The following KCTD1 variants were observed in gnomAD, a reference collection of about 807,000 sequenced individuals.
KCTD1 encodes BTB/POZ domain-containing protein KCTD1.
In KCTD1, 24 loss-of-function variants were observed where a neutral mutation model predicts 66.0. The ratio of observed to expected loss-of-function variants is 0.36; its 90% CI spans 0.26 to 0.51. KCTD1 has a LOEUF of 0.51. Ranked by LOEUF, KCTD1 falls within the 20% of genes least tolerant of loss-of-function variation. The probability of loss-of-function intolerance (pLI) is 0.95; values close to 1 mark genes in which losing one functional copy is unlikely to be tolerated. For missense variants in KCTD1, 943 were observed against 1,205.2 expected, an observed-to-expected ratio of 0.78 and a Z score of 3.22; for synonymous variants, 511 against 517.2, an observed-to-expected ratio of 0.99 and a Z score of 0.16.
intron 1 of KCTD1, among the ~76,000 whole-genome samples, chr18:26,613,675 G>A (rs1048117354): frequency 6.6e-6 from 1 of 152,234 alleles, no homozygotes; most frequent in East Asian, 1.9e-4. Context: ...TTGTAAAGCT[G>A]TAGACTAATG....
At chr18:26,529,718 C>G (rs1201372134) in intron 1 of KCTD1, among the ~76,000 whole-genome samples, 1 of 152,142 alleles carries the variant, frequency 6.6e-6, no homozygotes, top group Non-Finnish European at 1.5e-5. Context: ...GAGGTTGTGC[C>G]TAACAGAATA....
chr18:26,514,595 G>GGAA (rs970624348), intron 1 of KCTD1, among the ~76,000 whole-genome samples: 11 of 151,022 alleles, frequency 7.3e-5, no homozygotes, highest in African/African-American at 2.7e-4. Context: ...GATGTTGGAA[G>GGAA]GAAGTAGTGT....
chr18:26,624,008 C>A (rs1987445494), intron 1 of KCTD1, among the ~76,000 whole-genome samples: 1 of 152,180 alleles, frequency 6.6e-6, no homozygotes, highest in Non-Finnish European at 1.5e-5. Flanking sequence ...TTGTTGGGAA[C>A]TGAAACAAAG....
In KCTD1 at chr18:26,622,488, C is replaced by T. The variant is rs184873468; in HGVS notation, c.-16+6659G>A. Reference sequence around the variant, plus strand: ...TAGCACACTGAATGTCACCTACACCCAACCCTGGAGTCCTTGCCAGCCATT... The same window carrying T: ...TAGCACACTGAATGTCACCTACACCTAACCCTGGAGTCCTTGCCAGCCATT... On this transcript the variant is annotated intron_variant, in intron 1 of 4. Transcript: ENST00000317932. Among the ~76,000 whole-genome samples, 302 of 152,276 alleles carry T rather than the reference C, an allele frequency of 2.0e-3. 1 individual carries two copies. Among genetic ancestry groups the T allele is most frequent in the African/African-American group, 6.9e-3 (288 of 41,558 alleles).
At chr18:26,656,450 AG>A (rs1988143167) in intron 1 of KCTD1, among the ~76,000 whole-genome samples, 2 of 150,842 alleles carry the variant, frequency 1.3e-5, no homozygotes, top group African/African-American at 4.9e-5. Flanking sequence ...TGCATCCAAA[AG>A]GGGGAGGAGG....
At chr18:26,535,421 G>C (rs561504918) in intron 1 of KCTD1, among the ~76,000 whole-genome samples, 1 of 152,174 alleles carries the variant, frequency 6.6e-6, no homozygotes, top group East Asian at 1.9e-4. Context: ...GAGCCAGTCT[G>C]CACTGACCCA....
At position 26,546,868 on chromosome 18, in the gene KCTD1, T is replaced by C. The variant is rs1469662733; in HGVS notation, c.1669A>G (p.Ile557Val). 6.7e-7 allele frequency: 1 copy of C among 1,502,266 alleles called. No individual in the cohort carries two copies. Among genetic ancestry groups the C allele is most frequent in the Non-Finnish European group, 8.9e-7 (1 of 1,125,254 alleles). 93.1% of individuals were successfully genotyped at this position (1,502,266 alleles called of 1,614,324 possible). A position where few individuals can be genotyped will look rare whatever the true frequency, so the allele number is the denominator to read the frequency against. ...CGPTSPKRLCIRPSEPVDAVV... is the reference protein window; with the variant it reads ...CGPTSPKRLCVRPSEPVDAVV... The stretch of plus-strand genomic sequence containing the variant: ...GCATCCACAGGCTCCGAGGGGCGGA[T>C]ACAAAGTCTTTTGGGGGAAGTGGGG... Residue 557 changes from isoleucine (I) to valine (V), a missense_variant, in exon 1 of 5, where the codon ATC becomes GTC. This residue lies in a region of KCTD1 where 197 missense variants were observed against 182.7 expected (regional missense o/e 1.08). Transcript: ENST00000580059.
At chr18:26,593,853 GA>G (rs1986702271) in intron 1 of KCTD1, among the ~76,000 whole-genome samples, 1 of 148,122 alleles carries the variant, frequency 6.8e-6, no homozygotes. Flanking sequence ...AGACAAGGAG[GA>G]AGAGGAGAAC....
chr18:26,608,641 G>C (rs982025954), intron 1 of KCTD1, among the ~76,000 whole-genome samples: 1 of 152,034 alleles, frequency 6.6e-6, no homozygotes, highest in African/African-American at 2.4e-5. Flanking sequence ...ATTATTCTTT[G>C]TTGTATTTTA....
chr18:26,547,405 T>A lies in KCTD1; in HGVS notation c.1132A>T (p.Met378Leu). 6.4e-7 allele frequency: 1 copy of A among 1,551,368 alleles called. No individual in the cohort carries two copies. Among genetic ancestry groups the A allele is most frequent in the Non-Finnish European group, 8.7e-7 (1 of 1,146,768 alleles). Reference protein sequence around the residue: ...ESSDEENLPRMYETGTEFCPY... With the variant: ...ESSDEENLPRLYETGTEFCPY... ...CAGAACTCGGTGCCCGTCTCATACA[T>A]GCGGGGCAAGTTCTCCTCGTCGCTG... The change falls in exon 1 of 5, where the codon ATG (methionine) becomes TTG (leucine). Residue 378 changes from methionine to leucine, a missense_variant. Physicochemically the swap from Met to Leu is conservative, Grantham distance 15. Around this residue, in one of 10 missense-constraint regions of KCTD1, gnomAD observed 79 missense variants for 133.9 expected, o/e 0.59. Transcript: ENST00000580059.
At chr18:26,603,023 A>G (rs1352085904) in intron 1 of KCTD1, among the ~76,000 whole-genome samples, 1 of 152,188 alleles carries the variant, frequency 6.6e-6, no homozygotes, top group Non-Finnish European at 1.5e-5. Context: ...TGCAATGGGG[A>G]AGAGAGGCCT....
chr18:26,651,341 A>T (rs1988027731), intron 1 of KCTD1, among the ~76,000 whole-genome samples: 1 of 152,244 alleles, frequency 6.6e-6, no homozygotes, highest in African/African-American at 2.4e-5. Context: ...TTTTGTAGTC[A>T]GCCAGCTGAG....
intron 1 of KCTD1, among the ~76,000 whole-genome samples, chr18:26,639,114 G>T (rs906055227): frequency 6.6e-6 from 1 of 152,190 alleles, no homozygotes; most frequent in Non-Finnish European, 1.5e-5. Context: ...CCACAGAAAA[G>T]CTGGGTTCTG....
At chr18:26,456,084 C>A (rs573929447) in intron 4 of KCTD1, 183 bp from the exon 5 acceptor site, 1 of 578,388 alleles carries the variant, frequency 1.7e-6, no homozygotes, top group Admixed American at 3.3e-5. Context: ...GCAAGCATTT[C>A]TAATGCCTAA....
At chr18:26,579,863 T>C (rs1157723534) in intron 1 of KCTD1, among the ~76,000 whole-genome samples, 9 of 152,120 alleles carry the variant, frequency 5.9e-5, no homozygotes, top group Non-Finnish European at 1.2e-4. Context: ...CTCCCACACA[T>C]TGGAAGGAGC....
upstream of KCTD1, chr18:26,548,860 T>G (rs1390259617): frequency 4.0e-6 from 4 of 1,008,158 alleles, no homozygotes; most frequent in Non-Finnish European, 4.7e-6. Context: ...GAGGGAGAGC[T>G]GTCGGTGGGG....
chr18:26,536,348 G>A (rs989280691), intron 1 of KCTD1, among the ~76,000 whole-genome samples: 3 of 152,214 alleles, frequency 2.0e-5, no homozygotes, highest in Non-Finnish European at 4.4e-5. Flanking sequence ...GGTGGAATGT[G>A]GCAGCTTACT....
chr18:26,558,128 G>A (rs71362648), intron 1 of KCTD1, among the ~76,000 whole-genome samples: 9 of 152,212 alleles, frequency 5.9e-5, no homozygotes, highest in African/African-American at 2.2e-4. Flanking sequence ...CAAATCACCC[G>A]GAAGGCTTGT....
upstream of KCTD1, chr18:26,549,001 G>C (rs946002301): frequency 7.1e-6 from 7 of 985,034 alleles, no homozygotes; most frequent in African/African-American, 1.2e-4. Context: ...CCCTTCCACT[G>C]CCCCCTCATT....
Sources: gnomAD v4.1 joint callset for allele counts (sites outside exome capture counted in the v4.1 genomes callset) on GRCh38, gnomAD v4.1.1 for gene constraint, gnomAD v4.1.1 regional missense constraint, MANE v1.5 for transcripts, NCBI Gene and HGNC (gene_info 2026-07-23, HGNC 2026-07-21) for gene names.